The following GON4L variants were observed in gnomAD, a reference collection of about 807,000 sequenced individuals.
GON4L encodes the protein GON-4-like protein.
GON4L carries 87 observed loss-of-function variants against 211.8 expected under a neutral mutation model. The ratio of observed to expected loss-of-function variants is 0.41; its 90% CI spans 0.35 to 0.49. The LOEUF (loss-of-function observed/expected upper bound fraction) is 0.49, where lower values mean the gene tolerates loss of function less well. Ranked by LOEUF, GON4L falls within the 20% of genes least tolerant of loss-of-function variation. The probability of loss-of-function intolerance (pLI) is 0.15; values close to 1 mark genes in which losing one functional copy is unlikely to be tolerated. For missense variants in GON4L, 2,155 were observed against 2,659.5 expected, an observed-to-expected ratio of 0.81 and a Z score of 4.17; for synonymous variants, 875 against 962.6, an observed-to-expected ratio of 0.91 and a Z score of 1.68.
chr1:155,749,914 C>A lies in GON4L; in HGVS notation c.*670G>T. On this transcript the variant is annotated 3_prime_UTR_variant, in exon 32 of 32. Transcript: ENST00000368331. ...CATCTACAGGTCTCTGTTTCCTCTC[C>A]CTCCACAGCAGTGGAGAGCATCCCA... is the stretch of plus-strand genomic sequence containing the variant. The A allele has an allele frequency of 1.3e-6, 2 of 1,543,624 alleles. No homozygotes were observed. The highest frequency in any genetic ancestry group is 1.2e-5 in the South Asian group (1 of 81,292).
At chr1:155,824,874 G>T (rs1669051372) in intron 3 of GON4L, among the ~76,000 whole-genome samples, 1 of 151,798 alleles carries the variant, frequency 6.6e-6, no homozygotes, top group South Asian at 2.1e-4. Flanking sequence ...AAGCAAACCA[G>T]GTGAGGAGGC....
chr1:155,775,183 C>A lies in GON4L; in HGVS notation c.2179-10G>T. 1 of 1,614,172 alleles carries A rather than the reference C, an allele frequency of 6.2e-7. No homozygotes were observed. Among genetic ancestry groups the A allele is most frequent in the Non-Finnish European group, 8.5e-7 (1 of 1,180,034 alleles). ...AGGTTCCCAGCTCTTTCTGGGAAAA[C>A]AGGACACAAGAAAGATTTAAGACAA... On this transcript the variant is annotated splice_polypyrimidine_tract_variant and intron_variant, in intron 16 of 31. Coordinates refer to ENST00000368331, the MANE Select transcript of GON4L (RefSeq NM_001282860.2).
At chr1:155,818,401 C>T (rs966837749) in intron 6 of GON4L, among the ~76,000 whole-genome samples, 11 of 152,096 alleles carry the variant, frequency 7.2e-5, no homozygotes, top group African/African-American at 1.9e-4. Flanking sequence ...CATGAGCCAC[C>T]GTGCCCAGCC....
intron 14 of GON4L, among the ~76,000 whole-genome samples, chr1:155,782,553 T>C (rs1242942471): frequency 1.3e-5 from 2 of 152,208 alleles, no homozygotes; most frequent in African/African-American, 4.8e-5. Context: ...AATGATAACA[T>C]TTCACAGAAT....
chr1:155,748,397 C>G, downstream of GON4L: 1 of 1,608,688 alleles, frequency 6.2e-7, no homozygotes, highest in African/African-American at 1.3e-5. Context: ...TGTCTTCTTA[C>G]AGGCCATTCT....
chr1:155,763,889 G>A (rs2101717937), intron 21 of GON4L, among the ~76,000 whole-genome samples: 1 of 152,104 alleles, frequency 6.6e-6, no homozygotes, highest in East Asian at 1.9e-4. Flanking sequence ...TGTAATCCCA[G>A]CTACTTGGGA....
chr1:155,749,731 T>C lies in GON4L; in HGVS notation c.*853A>G. Reference sequence around the variant, plus strand: ...TGCTGAAAAAGTCCACAGTTAAACATTCCTTTATTCACCCTATGGCTCCCA... The same window carrying C: ...TGCTGAAAAAGTCCACAGTTAAACACTCCTTTATTCACCCTATGGCTCCCA... On this transcript the variant is annotated 3_prime_UTR_variant, in exon 32 of 32. Coordinates refer to ENST00000368331, the MANE Select transcript of GON4L (RefSeq NM_001282860.2). The C allele has an allele frequency of 1.4e-6, 1 of 720,368 alleles. No homozygotes were observed. Among genetic ancestry groups the C allele is most frequent in the Non-Finnish European group, 2.1e-6 (1 of 472,992 alleles). 44.6% of individuals were successfully genotyped at this position (720,368 alleles called of 1,614,324 possible).
chr1:155,813,843 G>GT, intron 9 of GON4L, 39 bp from the exon 10 acceptor site: 1 of 1,577,090 alleles, frequency 6.3e-7, no homozygotes, highest in South Asian at 1.1e-5. Context: ...AAGGAAGGAG[G>GT]TAAGAAAGAA....
At chr1:155,807,255 A>C (rs822017) in intron 10 of GON4L, among the ~76,000 whole-genome samples, 142,357 of 152,078 alleles carry the variant, frequency 0.94, 67,396 homozygotes, top group East Asian at 1. Flanking sequence ...AAAAAGTTAG[A>C]TGGGAGTGGT....
At position 155,824,369 on chromosome 1, in the gene GON4L, G is replaced by A. The variant is rs182562248; in HGVS notation, c.698-1893C>T. ...GAATTGCTTGAACCCAGGAGGAAGC[G>A]GTTGCAGTGAGCCGAGATTGCACCA... is the stretch of plus-strand genomic sequence containing the variant. On this transcript the variant is annotated intron_variant, in intron 3 of 31. Coordinates refer to ENST00000368331, the MANE Select transcript of GON4L (RefSeq NM_001282860.2). 1.5e-3 allele frequency among the ~76,000 whole-genome samples: 225 copies of A among 149,064 alleles called. 1 individual carries two copies. Among genetic ancestry groups the A allele is most frequent in the African/African-American group, 5.4e-3 (217 of 40,336 alleles).
intron 12 of GON4L, among the ~76,000 whole-genome samples, chr1:155,790,821 A>G (rs1179224076): frequency 6.6e-6 from 1 of 150,900 alleles, no homozygotes; most frequent in East Asian, 2.0e-4. Flanking sequence ...GCGCGTGACT[A>G]TAATCCCAGC....
chr1:155,798,692 T>C (rs1666335514), intron 11 of GON4L, among the ~76,000 whole-genome samples: 1 of 150,458 alleles, frequency 6.6e-6, no homozygotes, highest in Non-Finnish European at 1.5e-5. Flanking sequence ...GCGCAGGGAT[T>C]AGAAGTGTGA....
chr1:155,768,784 C>T (rs1204671727), intron 19 of GON4L, among the ~76,000 whole-genome samples: 2 of 152,126 alleles, frequency 1.3e-5, no homozygotes, highest in Non-Finnish European at 2.9e-5. Context: ...CTCCCAACCT[C>T]TGATAGCATG....
intron 2 of GON4L, among the ~76,000 whole-genome samples, chr1:155,852,197 C>T (rs1671861061): frequency 6.6e-6 from 1 of 151,676 alleles, no homozygotes; most frequent in African/African-American, 2.4e-5. Context: ...AGTCATCTCC[C>T]ACCACCTGTT....
At chr1:155,853,889 T>A in intron 1 of GON4L, 83 bp from the exon 2 acceptor site, 1 of 904,434 alleles carries the variant, frequency 1.1e-6, no homozygotes, top group Non-Finnish European at 1.7e-6. Flanking sequence ...TTTATTCATG[T>A]TCGATCATGA....
At chr1:155,814,574 C>A in intron 8 of GON4L, 125 bp from the exon 9 acceptor site, 1 of 1,018,634 alleles carries the variant, frequency 9.8e-7, no homozygotes, top group Non-Finnish European at 1.5e-6. Context: ...GGTGAACACC[C>A]GTCTCTGCTA....
downstream of GON4L, chr1:155,747,034 G>A (rs1571593715): frequency 8.7e-6 from 14 of 1,603,554 alleles, no homozygotes; most frequent in East Asian, 2.9e-4. Context: ...CAGAAAGGAG[G>A]CTATGCGGTG....
intron 18 of GON4L, among the ~76,000 whole-genome samples, chr1:155,772,709 G>A (rs1052643607): frequency 2.0e-5 from 3 of 151,988 alleles, no homozygotes; most frequent in Non-Finnish European, 4.4e-5. Flanking sequence ...GCAGTGAGCT[G>A]TGACTGCCTG....
intron 10 of GON4L, among the ~76,000 whole-genome samples, chr1:155,805,959 G>A (rs1205323489): frequency 1.3e-5 from 2 of 150,502 alleles, no homozygotes; most frequent in Admixed American, 1.3e-4. Flanking sequence ...AAAGTGTTCG[G>A]ATTACAGCTG....
Sources: allele counts gnomAD v4.1 joint callset (sites outside exome capture counted in the v4.1 genomes callset), GRCh38; gene constraint gnomAD v4.1.1; transcripts MANE v1.5; gene names NCBI Gene and HGNC (gene_info 2026-07-23, HGNC 2026-07-21).